The following SGCZ variants were observed in gnomAD, a reference collection of about 807,000 sequenced individuals.
SGCZ encodes zeta-sarcoglycan.
A neutral mutation model predicts 41.3 loss-of-function variants in SGCZ; 40 were observed. That is an observed-to-expected ratio of 0.97 (90% CI 0.75 to 1.26). The LOEUF is 1.26. Ranked by LOEUF, SGCZ falls within the 50% of genes most tolerant of loss-of-function variation. The pLI is 0.00. For missense variants in SGCZ, 552 were observed against 369.8 expected, an observed-to-expected ratio of 1.49 and a Z score of -4.04; for synonymous variants, 206 against 137.5, an observed-to-expected ratio of 1.50 and a Z score of -3.49.
intron 1 of SGCZ, among the ~76,000 whole-genome samples, chr8:15,095,405 A>G (rs1033071140): frequency 6.6e-5 from 10 of 152,084 alleles, no homozygotes; most frequent in African/African-American, 1.9e-4. Context: ...AGCCAAGAAA[A>G]CATTTTAACT....
intron 1 of SGCZ, among the ~76,000 whole-genome samples, chr8:15,087,921 T>A (rs1229162459): frequency 1.3e-5 from 2 of 152,100 alleles, no homozygotes; most frequent in Admixed American, 1.3e-4. Context: ...ACGTGAGGCT[T>A]TATTTTTCTG....
intron 2 of SGCZ, among the ~76,000 whole-genome samples, chr8:14,433,777 C>T (rs1366235371): frequency 6.6e-6 from 1 of 152,114 alleles, no homozygotes; most frequent in East Asian, 1.9e-4. Flanking sequence ...TATTTCTAAG[C>T]AGTACTAACA....
rs115805983 is a variant in SGCZ, at chr8:14,748,035, T to A, written c.40-193109A>T. ...ATAATCATGTTTTTAAAATGAAAAC[T>A]AATGACAAAGACTTCCCATGACTCT... On this transcript the variant is annotated intron_variant, in intron 1 of 7. Coordinates refer to ENST00000382080, the MANE Select transcript of SGCZ (RefSeq NM_139167.4). Among the ~76,000 whole-genome samples, 692 of 152,140 alleles carry A rather than the reference T, an allele frequency of 4.5e-3. 4 individuals are homozygous for A. The highest frequency in any genetic ancestry group is 0.016 in the African/African-American group (666 of 41,498).
rs36071307 is a variant in SGCZ at position 14,827,236 on chromosome 8, C to CTT, written c.40-272312_40-272311dup. On this transcript the variant is annotated intron_variant, in intron 1 of 7. Coordinates refer to ENST00000382080, the MANE Select transcript of SGCZ (RefSeq NM_139167.4). ...TTTATATCACATTTTCTTTTCTTTT[C>CTT]TTTTTTTTTTTTTTTTTTGAGACAA... 7.8e-4 allele frequency among the ~76,000 whole-genome samples: 96 copies of CTT among 122,312 alleles called. 1 individual carries two copies. The highest frequency in any genetic ancestry group is 1.1e-3 in the Non-Finnish European group (65 of 59,588). The allele number at this position is 122,312 out of a possible 152,430, so 80.2% of individuals were successfully genotyped here. A position where few individuals can be genotyped will look rare whatever the true frequency, so the allele number is the denominator to read the frequency against.
At chr8:14,983,804 C>T (rs1585437092) in intron 1 of SGCZ, among the ~76,000 whole-genome samples, 1 of 152,120 alleles carries the variant, frequency 6.6e-6, no homozygotes, top group Non-Finnish European at 1.5e-5. Context: ...ACTGCCTGAG[C>T]TCCTCCATAT....
intron 1 of SGCZ, among the ~76,000 whole-genome samples, chr8:14,817,125 T>G (rs1265037131): frequency 6.6e-6 from 1 of 152,190 alleles, no homozygotes; most frequent in Admixed American, 6.5e-5. Flanking sequence ...CAACACTTCA[T>G]TACATGTTGC....
chr8:14,282,611 T>C (rs1476894925), intron 3 of SGCZ, among the ~76,000 whole-genome samples: 1 of 152,176 alleles, frequency 6.6e-6, no homozygotes, highest in Admixed American at 6.5e-5. Flanking sequence ...GGTCACATGC[T>C]AACATGAGAA....
chr8:14,549,551 C>T (rs1030401933), intron 2 of SGCZ, among the ~76,000 whole-genome samples: 2 of 152,032 alleles, frequency 1.3e-5, no homozygotes, highest in African/African-American at 4.8e-5. Flanking sequence ...TAATGTATCA[C>T]CTACTATGTG....
intron 1 of SGCZ, among the ~76,000 whole-genome samples, chr8:14,641,286 T>C (rs1249526882): frequency 1.3e-5 from 2 of 151,738 alleles, no homozygotes; most frequent in South Asian, 2.1e-4. Context: ...TGTACACATA[T>C]AATATGCACA....
chr8:14,791,186 A>C (rs1800939942), intron 1 of SGCZ, among the ~76,000 whole-genome samples: 1 of 152,110 alleles, frequency 6.6e-6, no homozygotes, highest in Admixed American at 6.6e-5. Context: ...AACTAGAAAA[A>C]TAATTATTTT....
At chr8:14,163,955 G>GT (rs1295559458) in intron 5 of SGCZ, among the ~76,000 whole-genome samples, 3 of 152,116 alleles carry the variant, frequency 2.0e-5, no homozygotes, top group African/African-American at 4.8e-5. Flanking sequence ...TGTGAATCAA[G>GT]TAATTCAGAA....
In SGCZ at chr8:15,181,690, G is replaced by A. The variant is rs142485862; in HGVS notation, c.39+55895C>T. Among the ~76,000 whole-genome samples, 41 of 152,190 alleles carry A rather than the reference G, an allele frequency of 2.7e-4. 1 individual carries two copies. The highest frequency in any genetic ancestry group is 2.2e-4 in the Non-Finnish European group (15 of 67,998). On this transcript the variant is annotated intron_variant, in intron 1 of 7. Transcript: ENST00000382080. The stretch of plus-strand genomic sequence containing the variant: ...TCACCTAAAAAGCAGATAACTTTTC[G>A]AAAGTCGCTAGGGCAAGAGGTCACT...
At chr8:14,890,525 A>C (rs1408317884) in intron 1 of SGCZ, among the ~76,000 whole-genome samples, 1 of 152,190 alleles carries the variant, frequency 6.6e-6, no homozygotes, top group Non-Finnish European at 1.5e-5. Context: ...TCAACAAGAA[A>C]AGTTTGAAGC....
intron 1 of SGCZ, among the ~76,000 whole-genome samples, chr8:14,575,751 A>G (rs935781312): frequency 4.6e-5 from 7 of 151,908 alleles, no homozygotes; most frequent in Admixed American, 2.6e-4. Context: ...TACTAAATGC[A>G]AAAAACTGGC....
chr8:14,930,067 T>C (rs1173406652), intron 1 of SGCZ, among the ~76,000 whole-genome samples: 6 of 152,174 alleles, frequency 3.9e-5, no homozygotes, highest in Admixed American at 2.6e-4. Flanking sequence ...TTGGAGTTGT[T>C]CTTTATTAAA....
intron 6 of SGCZ, among the ~76,000 whole-genome samples, chr8:14,103,405 G>A (rs982712616): frequency 1.3e-5 from 2 of 152,094 alleles, no homozygotes; most frequent in South Asian, 2.1e-4. Context: ...GCCTGTGATC[G>A]CCCTACCACA....
intron 2 of SGCZ, among the ~76,000 whole-genome samples, chr8:14,418,056 G>C (rs1031318098): frequency 2.0e-5 from 3 of 151,854 alleles, no homozygotes; most frequent in Non-Finnish European, 2.9e-5. Flanking sequence ...TGTCTGTCAT[G>C]CTAGGCAGTT....
Position 14,820,921 on chromosome 8 carries a change from C to CA in SGCZ, c.40-265996dup, listed in dbSNP as rs79481818. Among the ~76,000 whole-genome samples the CA allele has an allele frequency of 7.7e-3, 1,020 of 132,570 alleles. 8 individuals carry two copies. The highest frequency in any genetic ancestry group is 0.016 in the African/African-American group (579 of 35,404). 87.0% of individuals were successfully genotyped at this position (132,570 alleles called of 152,430 possible). On this transcript the variant is annotated intron_variant, in intron 1 of 7. Coordinates refer to ENST00000382080, the MANE Select transcript of SGCZ (RefSeq NM_139167.4). The stretch of plus-strand genomic sequence containing the variant: ...AAAACATAAAAACACCCTAAAGGAA[C>CA]AAAAAAAAAACACTAGAAAAAACTA...
chr8:15,084,274 G>C (rs1442216571), intron 1 of SGCZ, among the ~76,000 whole-genome samples: 1 of 152,058 alleles, frequency 6.6e-6, no homozygotes, highest in East Asian at 1.9e-4. Context: ...TGCATTTAAA[G>C]ACAATTTTAA....
Sources: gnomAD v4.1 joint callset for allele counts (sites outside exome capture counted in the v4.1 genomes callset) on GRCh38, gnomAD v4.1.1 for gene constraint, MANE v1.5 for transcripts, NCBI Gene and HGNC (gene_info 2026-07-23, HGNC 2026-07-21) for gene names.